PECR: variants seen among roughly 807,000 people sequenced by gnomAD.
PECR encodes peroxisomal trans-2-enoyl-CoA reductase.
In PECR, 30 loss-of-function variants were observed where a neutral mutation model predicts 35.3. That is an observed-to-expected ratio of 0.85 (90% CI 0.64 to 1.15). The LOEUF is 1.15. PECR is among the 50% of genes most tolerant of loss of function. PECR has a pLI of 0.00. For synonymous variants in PECR, 148 were observed against 138.9 expected, an observed-to-expected ratio of 1.07 and a Z score of -0.46; for missense variants, 392 against 370.8, an observed-to-expected ratio of 1.06 and a Z score of -0.47.
intron 7 of PECR, among the ~76,000 whole-genome samples, chr2:216,030,281 T>C (rs895026516): frequency 6.6e-6 from 1 of 152,202 alleles, no homozygotes; most frequent in Non-Finnish European, 1.5e-5. Flanking sequence ...GGTGCTGGTC[T>C]GTCTCTCTCA....
intron 6 of PECR, among the ~76,000 whole-genome samples, chr2:216,046,310 A>ATTTTTTTTTT (rs869225237): frequency 1.0e-5 from 1 of 96,974 alleles, no homozygotes; most frequent in Non-Finnish European, 1.9e-5. Context: ...ATATATATAT[A>ATTTTTTTTTT]TTTTTTTTTT....
At chr2:216,079,114 T>G (rs1012293876) in intron 1 of PECR, among the ~76,000 whole-genome samples, 12 of 151,596 alleles carry the variant, frequency 7.9e-5, no homozygotes, top group African/African-American at 2.7e-4. Context: ...GTAATGGTGA[T>G]GAGGTTACAT....
rs1363893798 is a variant in PECR, at chr2:216,049,314, A to AAAG, written c.660_662dup (p.Phe221dup). 1 of 1,605,988 alleles carries AAAG rather than the reference A, an allele frequency of 6.2e-7. No homozygotes were observed. Among genetic ancestry groups the AAAG allele is most frequent in the Non-Finnish European group, 8.5e-7 (1 of 1,172,490 alleles). ...CGGGGATTTTCTGAAAAGACCCTTC[A>AAAG]AAGAAGCTTTGTCCCCAGGAACCAT... On this transcript the variant is annotated inframe_insertion, in exon 6 of 8. Coordinates refer to ENST00000265322, the MANE Select transcript of PECR (RefSeq NM_018441.6).
intron 3 of PECR, among the ~76,000 whole-genome samples, chr2:216,062,698 T>C (rs1488186006): frequency 6.6e-6 from 1 of 152,186 alleles, no homozygotes; most frequent in Non-Finnish European, 1.5e-5. Flanking sequence ...AAAAATAATA[T>C]GTAATTTTGC....
rs148080462 is a variant in PECR at position 216,058,386 on chromosome 2, G to C, written c.506+509C>G. On this transcript the variant is annotated intron_variant, in intron 4 of 7. Transcript: ENST00000265322. The stretch of plus-strand genomic sequence containing the variant: ...AAAATTTGCATAAAGGAGGCATGCT[G>C]TCTGTGTACAGAGTGGCTAATCAGA... Among the ~76,000 whole-genome samples, 881 of 152,262 alleles carry C rather than the reference G, an allele frequency of 5.8e-3. 15 individuals are homozygous for C. Among genetic ancestry groups the C allele is most frequent in the African/African-American group, 0.02 (837 of 41,512 alleles).
chr2:216,067,754 A>G (rs1475497971), intron 1 of PECR, among the ~76,000 whole-genome samples: 1 of 151,678 alleles, frequency 6.6e-6, no homozygotes, highest in Non-Finnish European at 1.5e-5. Context: ...ATGGGGTTTC[A>G]CCATGTTGGC....
chr2:216,078,873 C>T (rs541645633), intron 1 of PECR, among the ~76,000 whole-genome samples: 2 of 150,932 alleles, frequency 1.3e-5, no homozygotes, highest in Non-Finnish European at 3.0e-5. Flanking sequence ...GATGAAAGTT[C>T]AAATAGCACA....
At chr2:216,078,370 C>A (rs1695754565) in intron 1 of PECR, among the ~76,000 whole-genome samples, 1 of 151,860 alleles carries the variant, frequency 6.6e-6, no homozygotes, top group Admixed American at 6.6e-5. Context: ...TATGGCCAGG[C>A]CCGGTGGCTC....
chr2:216,031,661 A>AAAAGAAAGAAAGAAAGAAAGAAAG (rs1553558850), intron 7 of PECR, among the ~76,000 whole-genome samples: 27 of 72,150 alleles, frequency 3.7e-4, no homozygotes, highest in African/African-American at 1.5e-3. Context: ...GAAAGAAAGA[A>AAAAGAAAGAAAGAAAGAAAGAAAG]AGAAAGAAAG....
chr2:216,054,505 T>C (rs868842392), intron 4 of PECR, among the ~76,000 whole-genome samples: 7 of 151,344 alleles, frequency 4.6e-5, no homozygotes, highest in Middle Eastern at 6.8e-3. Context: ...CTAGCTAAAT[T>C]TTGTATTTTT....
intron 6 of PECR, among the ~76,000 whole-genome samples, chr2:216,047,648 T>C (rs1000800654): frequency 4.6e-5 from 7 of 152,360 alleles, no homozygotes; most frequent in South Asian, 2.1e-4. Context: ...TACAGCTTCA[T>C]AGTATGTAAA....
rs141390882 is a variant in PECR at position 216,055,423 on chromosome 2, A to G, written c.506+3472T>C. ...TTGCACTCCAGCCTGGGCAACAAGAACAAAATTCCATCTCAAAAAAAAAAA... is the reference window on the plus strand; with the variant it reads ...TTGCACTCCAGCCTGGGCAACAAGAGCAAAATTCCATCTCAAAAAAAAAAA... On this transcript the variant is annotated intron_variant, in intron 4 of 7. Transcript: ENST00000265322. Among the ~76,000 whole-genome samples, 845 of 141,222 alleles carry G rather than the reference A, an allele frequency of 6.0e-3. 11 individuals carry two copies. Among genetic ancestry groups the G allele is most frequent in the African/African-American group, 0.021 (800 of 37,392 alleles). 92.6% of individuals were successfully genotyped at this position (141,222 alleles called of 152,430 possible).
intron 1 of PECR, among the ~76,000 whole-genome samples, chr2:216,076,569 G>A (rs1157648594): frequency 6.6e-6 from 1 of 152,158 alleles, no homozygotes. Context: ...GGAGGCCGAG[G>A]CCGGCAGATA....
chr2:216,081,521 A>G, intron 1 of PECR, 97 bp downstream of exon 1: 1 of 1,490,698 alleles, frequency 6.7e-7, no homozygotes, highest in Non-Finnish European at 9.3e-7. Context: ...CTGCAGCTCC[A>G]CACTCCCTCA....
At chr2:216,045,127 G>A (rs1017965960) in intron 6 of PECR, among the ~76,000 whole-genome samples, 1 of 152,178 alleles carries the variant, frequency 6.6e-6, no homozygotes, top group Admixed American at 6.5e-5. Context: ...GAGGGAGTGG[G>A]TCCTTAAATT....
In PECR at chr2:216,051,439, G is replaced by A. The variant is rs374920253; in HGVS notation, c.603+10C>T. On this transcript the variant is annotated intron_variant, in intron 5 of 7. Coordinates refer to ENST00000265322, the MANE Select transcript of PECR (RefSeq NM_018441.6). ...TTGTCAATAAATTTCAATATAGATC[G>A]TTTACCTACAGGGGCAACACAATTG... is the stretch of plus-strand genomic sequence containing the variant. The A allele has an allele frequency of 8.0e-5, 121 of 1,511,278 alleles. No individual in the cohort carries two copies. The highest frequency in any genetic ancestry group is 6.3e-4 in the Admixed American group (38 of 59,848). The allele number at this position is 1,511,278 out of a possible 1,614,324, so 93.6% of individuals were successfully genotyped here. A position where few individuals can be genotyped will look rare whatever the true frequency, so the allele number is the denominator to read the frequency against.
chr2:216,066,597 C>A (rs372244601), intron 1 of PECR, 79 bp from the exon 2 acceptor site: 2 of 1,296,776 alleles, frequency 1.5e-6, no homozygotes, highest in African/African-American at 1.5e-5. Context: ...AAAAGTAAAC[C>A]GCCAGGGAAC....
intron 1 of PECR, among the ~76,000 whole-genome samples, chr2:216,081,342 T>C (rs1695842795): frequency 6.6e-6 from 1 of 152,226 alleles, no homozygotes; most frequent in African/African-American, 2.4e-5. Context: ...TAAAACTAAT[T>C]GCACAGCATG....
chr2:216,071,570 C>T (rs940521616), intron 1 of PECR, among the ~76,000 whole-genome samples: 3 of 152,140 alleles, frequency 2.0e-5, no homozygotes, highest in Non-Finnish European at 4.4e-5. Flanking sequence ...CTCGCTTCTC[C>T]CTTCGTGGAG....
Sources: allele counts gnomAD v4.1 joint callset (sites outside exome capture counted in the v4.1 genomes callset), GRCh38; gene constraint gnomAD v4.1.1; transcripts MANE v1.5; gene names NCBI Gene and HGNC (gene_info 2026-07-23, HGNC 2026-07-21).